The following KCTD16 variants were observed in gnomAD, a reference collection of about 807,000 sequenced individuals.
The protein encoded by KCTD16 is potassium channel tetramerization domain containing 16.
KCTD16 carries 13 observed loss-of-function variants against 33.2 expected under a neutral mutation model. The observed-to-expected ratio is 0.39, with a 90% CI of 0.25 to 0.62. KCTD16 has a LOEUF of 0.62. Ranked by LOEUF, KCTD16 falls within the 20% of genes least tolerant of loss-of-function variation. The pLI is 0.50. For synonymous variants in KCTD16, 197 were observed against 195.3 expected, an observed-to-expected ratio of 1.01 and a Z score of -0.07; for missense variants, 441 against 525.1, an observed-to-expected ratio of 0.84 and a Z score of 1.57.
intron 3 of KCTD16, among the ~76,000 whole-genome samples, chr5:144,390,526 AT>A (rs34067554): frequency 8.0e-5 from 12 of 150,296 alleles, no homozygotes; most frequent in Middle Eastern, 3.4e-3. Context: ...GAAGTGTTTA[AT>A]TTTTTTTTTT....
At chr5:144,299,842 T>G (rs1359943809) in intron 3 of KCTD16, among the ~76,000 whole-genome samples, 1 of 151,106 alleles carries the variant, frequency 6.6e-6, no homozygotes, top group African/African-American at 2.4e-5. Context: ...ACAAACTCAT[T>G]GTCCAGGACC....
At chr5:144,348,715 A>G (rs184396857) in intron 3 of KCTD16, among the ~76,000 whole-genome samples, 10 of 152,356 alleles carry the variant, frequency 6.6e-5, no homozygotes, top group African/African-American at 2.2e-4. Flanking sequence ...AACTGAAATT[A>G]AGATGCCAAA....
chr5:144,292,490 C>T (rs974900212), intron 3 of KCTD16, among the ~76,000 whole-genome samples: 2 of 151,956 alleles, frequency 1.3e-5, no homozygotes, highest in Admixed American at 6.6e-5. Flanking sequence ...TTTCAGTGCA[C>T]ATAGGTGAAA....
intron 3 of KCTD16, among the ~76,000 whole-genome samples, chr5:144,297,478 A>G (rs1756072691): frequency 1.3e-5 from 2 of 152,230 alleles, no homozygotes; most frequent in Admixed American, 6.5e-5. Flanking sequence ...AGGTTCAGAC[A>G]TTTCATCAGA....
At chr5:144,338,457 C>T (rs1206313858) in intron 3 of KCTD16, among the ~76,000 whole-genome samples, 4 of 151,984 alleles carry the variant, frequency 2.6e-5, no homozygotes, top group African/African-American at 9.7e-5. Context: ...AATAAGTTGA[C>T]ATATGTATGT....
intron 3 of KCTD16, among the ~76,000 whole-genome samples, chr5:144,257,574 C>T (rs1489158393): frequency 3.3e-5 from 5 of 152,084 alleles, no homozygotes; most frequent in South Asian, 2.1e-4. Flanking sequence ...CTGCAAGCTC[C>T]GCCTCCTGGG....
chr5:144,360,463 G>T (rs112016522), intron 3 of KCTD16, among the ~76,000 whole-genome samples: 27 of 149,444 alleles, frequency 1.8e-4, no homozygotes, highest in African/African-American at 5.9e-4. Context: ...ATGGAATCTC[G>T]CTCTGTTGCC....
chr5:144,258,081 G>A (rs1454874283), intron 3 of KCTD16, among the ~76,000 whole-genome samples: 1 of 152,122 alleles, frequency 6.6e-6, no homozygotes, highest in East Asian at 1.9e-4. Context: ...TCAATAGAAT[G>A]TGAACCATTT....
In KCTD16 at chr5:144,474,331, T is replaced by A. The variant is rs1043401026; in HGVS notation, c.*217T>A. ...CTAGATGTGGAAGTACAAGAAAATC[T>A]TTTTTAGTTATTTGTTTGTTTACTT... On this transcript the variant is annotated 3_prime_UTR_variant, in exon 4 of 4. Transcript: ENST00000512467. 2 of 503,348 alleles carry A rather than the reference T, an allele frequency of 4.0e-6. No individual in the cohort carries two copies. The highest frequency in any genetic ancestry group is 7.0e-6 in the Non-Finnish European group (2 of 285,014). The allele number at this position is 503,348 out of a possible 1,614,324, so 31.2% of individuals were successfully genotyped here.
rs749011067 is a variant in KCTD16 at position 144,206,677 on chromosome 5, C to T, written c.-38C>T. On this transcript the variant is annotated 5_prime_UTR_variant, in exon 3 of 4. Coordinates refer to ENST00000512467, the MANE Select transcript of KCTD16 (RefSeq NM_020768.4). Reference sequence around the variant, plus strand: ...AAGGCTGTGACTCCATTGGATTGCACCTTTAAATCAAAATAGCAGCAGCAG... The same window carrying T: ...AAGGCTGTGACTCCATTGGATTGCATCTTTAAATCAAAATAGCAGCAGCAG... 62 of 1,547,914 alleles carry T rather than the reference C, an allele frequency of 4.0e-5. No homozygotes were observed. The highest frequency in any genetic ancestry group is 2.8e-4 in the Admixed American group (16 of 57,490).
At chr5:144,337,997 A>G (rs573482494) in intron 3 of KCTD16, among the ~76,000 whole-genome samples, 2 of 152,340 alleles carry the variant, frequency 1.3e-5, no homozygotes, top group East Asian at 3.9e-4. Context: ...GCCAAAAGGA[A>G]AAACAATAAA....
At chr5:144,425,809 A>C (rs775244056) in intron 3 of KCTD16, among the ~76,000 whole-genome samples, 1 of 152,048 alleles carries the variant, frequency 6.6e-6, no homozygotes, top group Admixed American at 6.5e-5. Flanking sequence ...ACCTGAAACT[A>C]TTCTGCCCTC....
intron 3 of KCTD16, among the ~76,000 whole-genome samples, chr5:144,211,343 C>T (rs1158940794): frequency 1.3e-5 from 2 of 151,758 alleles, no homozygotes; most frequent in Non-Finnish European, 2.9e-5. Flanking sequence ...TTTTTTTTCT[C>T]CTGGCTACTT....
At position 144,475,795 on chromosome 5, in the gene KCTD16, T is replaced by C. The variant is rs1754581403; in HGVS notation, c.*1681T>C. ...TGATGCACATTTATTATGTAAGATG[T>C]TCTGTCTTGATTTCTGTTCTTAGTG... On this transcript the variant is annotated 3_prime_UTR_variant, in exon 4 of 4. Transcript: ENST00000512467. The C allele has an allele frequency of 1.3e-5, 2 of 152,644 alleles. No homozygotes were observed. The highest frequency in any genetic ancestry group is 4.8e-5 in the African/African-American group (2 of 41,460). The allele number at this position is 152,644 out of a possible 1,614,324, so 9.5% of individuals were successfully genotyped here. A position where few individuals can be genotyped will look rare whatever the true frequency, so the allele number is the denominator to read the frequency against.
chr5:144,421,521 A>G (rs1164604371), intron 3 of KCTD16, among the ~76,000 whole-genome samples: 6 of 152,126 alleles, frequency 3.9e-5, no homozygotes, highest in Admixed American at 2.6e-4. Context: ...TCAGTACTCC[A>G]TCTGGTTCCT....
chr5:144,337,500 T>G (rs2126896122), intron 3 of KCTD16, among the ~76,000 whole-genome samples: 1 of 152,328 alleles, frequency 6.6e-6, no homozygotes, highest in South Asian at 2.1e-4. Flanking sequence ...AGCATAAACA[T>G]TTTTCCAAGA....
At chr5:144,376,255 A>G (rs1488891560) in intron 3 of KCTD16, among the ~76,000 whole-genome samples, 4 of 152,104 alleles carry the variant, frequency 2.6e-5, no homozygotes, top group African/African-American at 9.7e-5. Flanking sequence ...TTAACTCATT[A>G]TAGATATATG....
chr5:144,346,954 A>G (rs1474491724), intron 3 of KCTD16, among the ~76,000 whole-genome samples: 3 of 151,066 alleles, frequency 2.0e-5, no homozygotes, highest in East Asian at 3.9e-4. Flanking sequence ...GAGATTTTCA[A>G]CACTTTTTTT....
At chr5:144,424,589 G>A (rs942761302) in intron 3 of KCTD16, among the ~76,000 whole-genome samples, 1 of 152,174 alleles carries the variant, frequency 6.6e-6, no homozygotes, top group African/African-American at 2.4e-5. Context: ...AACAGACTGA[G>A]TAACTTTAAA....
Sources: allele counts gnomAD v4.1 joint callset (sites outside exome capture counted in the v4.1 genomes callset), GRCh38; gene constraint gnomAD v4.1.1; transcripts MANE v1.5; gene names NCBI Gene and HGNC (gene_info 2026-07-23, HGNC 2026-07-21).